Variants in RAPGEF6 observed in about 807,000 individuals in gnomAD.
The protein encoded by RAPGEF6 is Rap guanine nucleotide exchange factor 6.
In RAPGEF6, 56 loss-of-function variants were observed where a neutral mutation model predicts 171.4. The ratio of observed to expected loss-of-function variants is 0.33; its 90% CI spans 0.26 to 0.41. The LOEUF is 0.41. Ranked by LOEUF, RAPGEF6 falls within the 10% of genes least tolerant of loss-of-function variation. The probability of loss-of-function intolerance (pLI) is 1.00; values close to 1 mark genes in which losing one functional copy is unlikely to be tolerated. For synonymous variants in RAPGEF6, 692 were observed against 650.1 expected, an observed-to-expected ratio of 1.06 and a Z score of -0.98; for missense variants, 1,674 against 1,921.4, an observed-to-expected ratio of 0.87 and a Z score of 2.41.
chr5:131,518,414 G>A (rs1464599982), intron 7 of RAPGEF6, among the ~76,000 whole-genome samples: 1 of 75,296 alleles, frequency 1.3e-5, no homozygotes, highest in Admixed American at 1.2e-4. Context: ...TTTTTTTTTT[G>A]GAGACGGAGT....
rs1751310282 is a variant in RAPGEF6, at chr5:131,424,620, C to T, written c.*2646G>A. ...TATAGATCGCAATGATGTGATTTAT[C>T]ACCCTCAAGAAAATTCACTAAAGGC... On this transcript the variant is annotated 3_prime_UTR_variant, in exon 28 of 28. Transcript: ENST00000509018. 6.6e-6 allele frequency: 1 copy of T among 152,268 alleles called. No homozygotes were observed. The highest frequency in any genetic ancestry group is 2.4e-5 in the African/African-American group (1 of 41,432). 9.4% of individuals were successfully genotyped at this position (152,268 alleles called of 1,614,324 possible). A position where few individuals can be genotyped will look rare whatever the true frequency, so the allele number is the denominator to read the frequency against.
chr5:131,581,126 C>T (rs895538961), intron 4 of RAPGEF6, among the ~76,000 whole-genome samples: 2 of 152,250 alleles, frequency 1.3e-5, no homozygotes, highest in African/African-American at 4.8e-5. Context: ...GTCCTCCAAG[C>T]TCAGGTTGAC....
rs536328477 is a variant in RAPGEF6, at chr5:131,627,457, A to C, written c.69+7505T>G. Among the ~76,000 whole-genome samples, 9 of 152,362 alleles carry C rather than the reference A, an allele frequency of 5.9e-5. No individual in the cohort carries two copies. In the East Asian group the frequency reaches 1.7e-3, roughly 29 times the overall value. Reference sequence around the variant, plus strand: ...TGTATTTCCAAATTTTGGCTTGTAAAATATTTATTCATCATTTAATATGTG... The same window carrying C: ...TGTATTTCCAAATTTTGGCTTGTAACATATTTATTCATCATTTAATATGTG... On this transcript the variant is annotated intron_variant, in intron 1 of 27. Transcript: ENST00000509018.
chr5:131,478,867 A>G (rs532203440), intron 16 of RAPGEF6, among the ~76,000 whole-genome samples: 4 of 152,156 alleles, frequency 2.6e-5, no homozygotes, highest in Non-Finnish European at 5.9e-5. Flanking sequence ...CACTGTCTTA[A>G]CTTATTCAAT....
At chr5:131,446,389 G>T in intron 22 of RAPGEF6, 94 bp downstream of exon 22, 1 of 1,218,778 alleles carries the variant, frequency 8.2e-7, no homozygotes, top group Non-Finnish European at 1.1e-6. Context: ...GTGAGTGAAA[G>T]TTAATTTTCT....
At chr5:131,472,469 G>T in intron 17 of RAPGEF6, 118 bp downstream of exon 17, 4 of 1,182,552 alleles carry the variant, frequency 3.4e-6, no homozygotes, top group Non-Finnish European at 3.7e-6. Flanking sequence ...TTTGCATCAA[G>T]TCATAATCTA....
At chr5:131,475,960 T>C (rs1411747202) in intron 16 of RAPGEF6, among the ~76,000 whole-genome samples, 3 of 152,178 alleles carry the variant, frequency 2.0e-5, no homozygotes, top group African/African-American at 4.8e-5. Context: ...TGCTCAGAAA[T>C]TGTGAAACTG....
chr5:131,543,510 C>T (rs148784473), intron 6 of RAPGEF6, among the ~76,000 whole-genome samples: 4 of 152,088 alleles, frequency 2.6e-5, no homozygotes, highest in African/African-American at 7.2e-5. Flanking sequence ...GTGAAAAGCA[C>T]AAATTCTGAA....
chr5:131,510,455 G>A lies in RAPGEF6; in HGVS notation c.664C>T (p.Arg222Cys), dbSNP rs751535558. Residue 222 changes from arginine to cysteine, a missense_variant, in exon 8 of 28, where the codon CGT (arginine) becomes TGT (cysteine). Coordinates refer to ENST00000509018, the MANE Select transcript of RAPGEF6 (RefSeq NM_016340.6). The stretch of plus-strand genomic sequence containing the variant: ...GAATCAACAGGTCCTTCTGGAAGAC[G>A]TGTCAAATCTACATCTCCTACCTCA... ...ESEVGDVDLT[R>C]LPEGPVDSED... 41 of 1,613,866 alleles carry A rather than the reference G, an allele frequency of 2.5e-5. No individual in the cohort carries two copies. In the East Asian group the frequency reaches 4.0e-4, roughly 16 times the overall value.
chr5:131,625,265 A>G (rs1316539918), intron 1 of RAPGEF6, among the ~76,000 whole-genome samples: 4 of 152,154 alleles, frequency 2.6e-5, no homozygotes, highest in African/African-American at 9.7e-5. Flanking sequence ...TCCGTCTCAA[A>G]AAACAAACAA....
chr5:131,625,033 G>A (rs1275062213), intron 1 of RAPGEF6, among the ~76,000 whole-genome samples: 1 of 152,146 alleles, frequency 6.6e-6, no homozygotes, highest in Non-Finnish European at 1.5e-5. Flanking sequence ...GGAGGCCGAG[G>A]CGGGCAGATC....
chr5:131,594,269 G>A (rs915611577), intron 3 of RAPGEF6, among the ~76,000 whole-genome samples: 2 of 152,224 alleles, frequency 1.3e-5, no homozygotes, highest in Non-Finnish European at 2.9e-5. Flanking sequence ...GGCCAAAAGG[G>A]GCCAACAGTA....
chr5:131,428,417 A>G (rs1300534666), intron 27 of RAPGEF6, among the ~76,000 whole-genome samples: 1 of 152,118 alleles, frequency 6.6e-6, no homozygotes, highest in Non-Finnish European at 1.5e-5. Context: ...CTATCTTGAA[A>G]AATAAAACAA....
intron 4 of RAPGEF6, among the ~76,000 whole-genome samples, chr5:131,579,375 T>A (rs1386592154): frequency 6.6e-6 from 1 of 152,256 alleles, no homozygotes; most frequent in Non-Finnish European, 1.5e-5. Context: ...GCCTGCTGGC[T>A]GGCACAGCCT....
At chr5:131,501,441 T>C (rs7720339) in intron 11 of RAPGEF6, among the ~76,000 whole-genome samples, 118,402 of 151,788 alleles carry the variant, frequency 0.78, 46,498 homozygotes, top group African/African-American at 0.83. Context: ...AAAAATAACA[T>C]ATTTTCAATA....
intron 6 of RAPGEF6, among the ~76,000 whole-genome samples, chr5:131,535,326 T>C (rs569784149): frequency 6.6e-6 from 1 of 152,274 alleles, no homozygotes; most frequent in Non-Finnish European, 1.5e-5. Flanking sequence ...TTTTAACTAC[T>C]GAATGAAGAA....
At position 131,439,594 on chromosome 5, in the gene RAPGEF6, G is replaced by A. The variant is rs748187812; in HGVS notation, c.3732C>T (p.Gly1244=). The change falls in exon 24 of 28, where the codon GGC becomes GGT. Residue 1244 remains glycine (G), a synonymous_variant. Transcript: ENST00000509018. Reference sequence around the variant, plus strand: ...GTTTTGTCTTACCTTTGTGAGGGGAGCCTTGAGGAGATGCAGGAGGACTAG... The same window carrying A: ...GTTTTGTCTTACCTTTGTGAGGGGAACCTTGAGGAGATGCAGGAGGACTAG... The part of the protein sequence containing the change: ...LHSSPPASPQ[G]SPHKGYTLIP... 1.2e-6 allele frequency: 2 copies of A among 1,611,610 alleles called. No individual in the cohort carries two copies. Among genetic ancestry groups the A allele is most frequent in the South Asian group, 2.2e-5 (2 of 90,744 alleles).
chr5:131,519,749 A>G (rs1003104503), intron 7 of RAPGEF6, among the ~76,000 whole-genome samples: 1 of 152,178 alleles, frequency 6.6e-6, no homozygotes, highest in Admixed American at 6.5e-5. Context: ...ATCTACAGCC[A>G]CATCCCTGAA....
chr5:131,512,359 T>C (rs1757789895), intron 7 of RAPGEF6, among the ~76,000 whole-genome samples: 1 of 121,658 alleles, frequency 8.2e-6, no homozygotes, highest in Admixed American at 9.1e-5. Flanking sequence ...CTTTTGGCTT[T>C]ACATTTTTTT....
Sources: gnomAD v4.1 joint callset for allele counts (sites outside exome capture counted in the v4.1 genomes callset) on GRCh38, gnomAD v4.1.1 for gene constraint, MANE v1.5 for transcripts, NCBI Gene and HGNC (gene_info 2026-07-23, HGNC 2026-07-21) for gene names.